The following TCF4 variants were observed in gnomAD, a reference collection of about 807,000 sequenced individuals.
TCF4 encodes transcription factor 4.
A neutral mutation model predicts 82.1 loss-of-function variants in TCF4; 3 were observed. The ratio of observed to expected loss-of-function variants is 0.04; its 90% CI spans 0.02 to 0.09. The LOEUF (loss-of-function observed/expected upper bound fraction) is 0.09, where lower values mean the gene tolerates loss of function less well. Ranked by LOEUF, TCF4 falls within the 10% of genes least tolerant of loss-of-function variation. TCF4 has a pLI of 1.00. For synonymous variants in TCF4, 276 were observed against 309.6 expected (o/e 0.89, Z 1.14); for missense variants, 518 against 852.7 (o/e 0.61, Z 4.89).
At chr18:55,425,968 G>A (rs1030735857) in intron 5 of TCF4, among the ~76,000 whole-genome samples, 1 of 152,032 alleles carries the variant, frequency 6.6e-6, no homozygotes, top group African/African-American at 2.4e-5. Flanking sequence ...CTTTATTCTT[G>A]GAGATTTGTT....
chr18:55,229,087 A>C lies in TCF4; in HGVS notation c.1650-11T>G. ...TCATCGTCATTATTGCTGTGGGACAAAAGGGATGCAACATTTTCTAATGGT... is the reference window on the plus strand; with the variant it reads ...TCATCGTCATTATTGCTGTGGGACACAAGGGATGCAACATTTTCTAATGGT... On this transcript the variant is annotated splice_polypyrimidine_tract_variant and intron_variant, in intron 17 of 19. Transcript: ENST00000354452. The C allele has an allele frequency of 6.2e-7, 1 of 1,613,472 alleles. No individual in the cohort carries two copies. Among genetic ancestry groups the C allele is most frequent in the Non-Finnish European group, 8.5e-7 (1 of 1,179,608 alleles).
intron 2 of TCF4, chr18:55,596,290 T>C: frequency 3.3e-6 from 1 of 301,844 alleles, no homozygotes; most frequent in Non-Finnish European, 6.6e-6. Context: ...CTATGGCACA[T>C]GTCACTGAGC....
chr18:55,363,595 G>A (rs1159189905), intron 6 of TCF4, among the ~76,000 whole-genome samples: 1 of 152,116 alleles, frequency 6.6e-6, no homozygotes, highest in Non-Finnish European at 1.5e-5. Context: ...TTTGAGGTTA[G>A]GAGTTGAAGA....
chr18:55,568,514 TAC>T (rs528776105), intron 3 of TCF4, among the ~76,000 whole-genome samples: 1 of 151,666 alleles, frequency 6.6e-6, no homozygotes, highest in Non-Finnish European at 1.5e-5. Flanking sequence ...CACACATCTA[TAC>T]ACACACACAT....
At chr18:55,233,297 A>G (rs1248392259) in intron 16 of TCF4, among the ~76,000 whole-genome samples, 2 of 152,232 alleles carry the variant, frequency 1.3e-5, no homozygotes, top group African/African-American at 4.8e-5. Flanking sequence ...AGGTAGAAGC[A>G]TATCTGTCAA....
intron 3 of TCF4, among the ~76,000 whole-genome samples, chr18:55,570,061 C>G (rs1048840515): frequency 6.6e-6 from 1 of 152,026 alleles, no homozygotes; most frequent in Non-Finnish European, 1.5e-5. Flanking sequence ...GGTAGCCAAA[C>G]TAACCAAGTA....
intron 6 of TCF4, chr18:55,401,342 T>C (rs1454361461): frequency 2.6e-6 from 3 of 1,150,208 alleles, no homozygotes; most frequent in South Asian, 1.9e-5. Context: ...ACAGAGATAG[T>C]AGACTCTTGC....
intron 2 of TCF4, among the ~76,000 whole-genome samples, chr18:55,617,248 G>T (rs1023787386): frequency 6.6e-6 from 1 of 152,038 alleles, no homozygotes; most frequent in Non-Finnish European, 1.5e-5. Flanking sequence ...TCAGTTGACT[G>T]TATATGCATA....
At chr18:55,545,506 T>C (rs984262370) in intron 3 of TCF4, among the ~76,000 whole-genome samples, 1 of 152,170 alleles carries the variant, frequency 6.6e-6, no homozygotes, top group African/African-American at 2.4e-5. Context: ...TGGAGTGCAG[T>C]GGCGGGATCT....
chr18:55,314,594 T>C (rs2073571270), intron 8 of TCF4, among the ~76,000 whole-genome samples: 1 of 150,970 alleles, frequency 6.6e-6, no homozygotes, highest in Non-Finnish European at 1.5e-5. Flanking sequence ...CCACACATTC[T>C]AGGAGAAAGG....
intron 3 of TCF4, among the ~76,000 whole-genome samples, chr18:55,476,974 G>A (rs1292507900): frequency 1.3e-5 from 2 of 152,072 alleles, no homozygotes; most frequent in South Asian, 2.1e-4. Context: ...ACACACACAC[G>A]ATACACAAAC....
chr18:55,552,921 G>A (rs1260178008), intron 3 of TCF4, among the ~76,000 whole-genome samples: 4 of 152,176 alleles, frequency 2.6e-5, no homozygotes, highest in African/African-American at 9.7e-5. Context: ...CTAAAGTAGA[G>A]CACAAAACTT....
At chr18:55,559,297 T>C (rs2097334624) in intron 3 of TCF4, among the ~76,000 whole-genome samples, 1 of 152,038 alleles carries the variant, frequency 6.6e-6, no homozygotes, top group Non-Finnish European at 1.5e-5. Context: ...TATGATATAA[T>C]GGAGCAGAAC....
chr18:55,590,000 C>T (rs903179269), upstream of TCF4, among the ~76,000 whole-genome samples: 5 of 152,206 alleles, frequency 3.3e-5, no homozygotes, highest in African/African-American at 1.2e-4. Context: ...TGGGGCGGCA[C>T]TGTGGGAGTT....
In TCF4 at chr18:55,442,512, C is replaced by T. The variant is rs1025502292; in HGVS notation, c.304+18507G>A. 2.0e-5 allele frequency among the ~76,000 whole-genome samples: 3 copies of T among 152,130 alleles called. No individual in the cohort carries two copies. The East Asian group carries it at 5.8e-4, about 29-fold the overall frequency. ...GACAGAGAAATAAATTCTACAGCCCCATCAGTTTCTAAGGATTATTGGCCA... is the reference window on the plus strand; with the variant it reads ...GACAGAGAAATAAATTCTACAGCCCTATCAGTTTCTAAGGATTATTGGCCA... On this transcript the variant is annotated intron_variant, in intron 5 of 19. Coordinates refer to ENST00000354452, the MANE Select transcript of TCF4 (RefSeq NM_001083962.2).
At chr18:55,261,673 T>A in intron 11 of TCF4, 140 bp from the exon 12 acceptor site, 1 of 956,120 alleles carries the variant, frequency 1.0e-6, no homozygotes, top group Non-Finnish European at 1.7e-6. Flanking sequence ...CATTAATTTG[T>A]TTGCTGAGGT....
chr18:55,600,348 G>A (rs1407465560), intron 2 of TCF4, among the ~76,000 whole-genome samples: 1 of 152,184 alleles, frequency 6.6e-6, no homozygotes, highest in Admixed American at 6.5e-5. Flanking sequence ...AGCAATGTAT[G>A]AGATGAACAT....
chr18:55,576,882 A>G (rs1378357101), intron 3 of TCF4, among the ~76,000 whole-genome samples: 2 of 151,708 alleles, frequency 1.3e-5, no homozygotes, highest in African/African-American at 2.4e-5. Context: ...CAGCTCATCA[A>G]CTATCGTTAG....
At chr18:55,379,356 T>C (rs2091469460) in intron 6 of TCF4, among the ~76,000 whole-genome samples, 1 of 152,182 alleles carries the variant, frequency 6.6e-6, no homozygotes, top group Non-Finnish European at 1.5e-5. Context: ...CCTGCACAGA[T>C]GAATAAGAAA....
Sources: allele counts gnomAD v4.1 joint callset (sites outside exome capture counted in the v4.1 genomes callset), GRCh38; gene constraint gnomAD v4.1.1; transcripts MANE v1.5; gene names NCBI Gene and HGNC (gene_info 2026-07-23, HGNC 2026-07-21).